LIMCH1: variants seen among roughly 807,000 people sequenced by gnomAD.
LIMCH1 encodes LIM and calponin homology domains 1, also known as LIM and calponin homology domains-containing protein 1.
A neutral mutation model predicts 176.5 loss-of-function variants in LIMCH1; 113 were observed. That is an observed-to-expected ratio of 0.64 (90% CI 0.55 to 0.75). The LOEUF (loss-of-function observed/expected upper bound fraction) is 0.75, where lower values mean the gene tolerates loss of function less well. LIMCH1 is among the 30% of genes least tolerant of loss of function. The pLI is 0.00. For missense variants in LIMCH1, 1,674 were observed against 1,814.9 expected, an observed-to-expected ratio of 0.92 and a Z score of 1.41; for synonymous variants, 619 against 645.9, an observed-to-expected ratio of 0.96 and a Z score of 0.63.
intron 1 of LIMCH1, among the ~76,000 whole-genome samples, chr4:41,490,257 TTTTC>T (rs1366381739): frequency 6.6e-6 from 1 of 151,974 alleles, no homozygotes; most frequent in Non-Finnish European, 1.5e-5. Context: ...TGCTATTTTT[TTTTC>T]TTTCTTTCTC....
At chr4:41,360,766 G>T, upstream of LIMCH1, 6 of 1,157,360 alleles carry the variant, frequency 5.2e-6, no homozygotes, top group Non-Finnish European at 7.1e-6. The surrounding 1 kb of genome is among the most constrained non-coding windows in gnomAD (Gnocchi z 4.5). Context: ...GGAAGGGGCG[G>T]GGAGCGCGCT....
chr4:41,574,993 A>G (rs752193157), intron 1 of LIMCH1, among the ~76,000 whole-genome samples: 1 of 152,196 alleles, frequency 6.6e-6, no homozygotes, highest in Non-Finnish European at 1.5e-5. Flanking sequence ...TTTCATTTCT[A>G]TGGCTTTTTA....
intron 1 of LIMCH1, among the ~76,000 whole-genome samples, chr4:41,567,982 G>A (rs1320164876): frequency 6.6e-6 from 1 of 151,956 alleles, no homozygotes; most frequent in Non-Finnish European, 1.5e-5. Flanking sequence ...GTGAAACCCC[G>A]GCTCTACTAA....
At chr4:41,525,603 G>A (rs2076561335) in intron 3 of LIMCH1, among the ~76,000 whole-genome samples, 1 of 152,064 alleles carries the variant, frequency 6.6e-6, no homozygotes, top group African/African-American at 2.4e-5. Flanking sequence ...GTGAGCTGGT[G>A]ATTAGTCGTT....
intron 1 of LIMCH1, among the ~76,000 whole-genome samples, chr4:41,487,633 G>C (rs1427798898): frequency 1.3e-5 from 2 of 151,522 alleles, no homozygotes; most frequent in Non-Finnish European, 2.9e-5. Context: ...TTGTATGTGG[G>C]GCACCAATTT....
intron 4 of LIMCH1, among the ~76,000 whole-genome samples, chr4:41,611,491 C>T (rs1007360064): frequency 6.6e-6 from 1 of 152,184 alleles, no homozygotes; most frequent in East Asian, 1.9e-4. Context: ...AGAGAAGATG[C>T]TGATGGTGGA....
At chr4:41,594,395 T>C (rs1351106175) in intron 1 of LIMCH1, among the ~76,000 whole-genome samples, 1 of 152,230 alleles carries the variant, frequency 6.6e-6, no homozygotes, top group South Asian at 2.1e-4. Flanking sequence ...TTCTTTTCCC[T>C]TGGGATTGAG....
chr4:41,572,501 G>C (rs2083719441), intron 1 of LIMCH1, among the ~76,000 whole-genome samples: 2 of 152,172 alleles, frequency 1.3e-5, no homozygotes, highest in Non-Finnish European at 2.9e-5. Context: ...GAATTTGACA[G>C]TGAAGTAAAT....
At position 41,631,418 on chromosome 4, in the gene LIMCH1, C is replaced by CTCAGCG; in HGVS notation, c.1543_1548dup (p.Ser515_Ala516dup). 6.5e-7 allele frequency: 1 copy of CTCAGCG among 1,532,256 alleles called. No individual in the cohort carries two copies. The highest frequency in any genetic ancestry group is 8.7e-7 in the Non-Finnish European group (1 of 1,145,902). The allele number at this position is 1,532,256 out of a possible 1,614,324, so 94.9% of individuals were successfully genotyped here. On this transcript the variant is annotated inframe_insertion, in exon 10 of 32. Transcript: ENST00000503057. Reference sequence around the variant, plus strand: ...TTCAAATGGACTCTGTGTCTCCTGTCTCAGCGGCCACTTCCAGCTTAAAGG... The same window carrying CTCAGCG: ...TTCAAATGGACTCTGTGTCTCCTGTCTCAGCGTCAGCGGCCACTTCCAGCTTAAAGG...
In LIMCH1 at chr4:41,697,805, G is replaced by T. The variant is rs561394368; in HGVS notation, c.*620G>T. On this transcript the variant is annotated 3_prime_UTR_variant, in exon 32 of 32. Coordinates refer to ENST00000503057, the MANE Select transcript of LIMCH1 (RefSeq NM_001330672.2). ...AATTATACCAATAAATTATTGCACC[G>T]TTAGTATTAGATTCTGTGTACCTTG... The T allele has an allele frequency of 6.6e-6, 1 of 152,196 alleles. No individual in the cohort carries two copies. The highest frequency in any genetic ancestry group is 1.5e-5 in the Non-Finnish European group (1 of 68,092). The allele number at this position is 152,196 out of a possible 1,614,324, so 9.4% of individuals were successfully genotyped here.
In LIMCH1 at chr4:41,609,122, G is replaced by C. The variant is rs534782120; in HGVS notation, c.9+3118G>C. 2.2e-4 allele frequency among the ~76,000 whole-genome samples: 33 copies of C among 152,232 alleles called. 1 individual carries two copies. Among genetic ancestry groups the C allele is most frequent in the Non-Finnish European group, 1.5e-5 (1 of 68,018 alleles). ...CTGGCCCAGGCTACTCCTGTTTCAG[G>C]GGGTGAGGGGTATTACAGGAAGAAA... On this transcript the variant is annotated intron_variant, in intron 4 of 31. Coordinates refer to ENST00000503057, the MANE Select transcript of LIMCH1 (RefSeq NM_001330672.2).
At chr4:41,406,028 A>G (rs2058922792) in intron 1 of LIMCH1, among the ~76,000 whole-genome samples, 1 of 152,132 alleles carries the variant, frequency 6.6e-6, no homozygotes, top group Non-Finnish European at 1.5e-5. Context: ...TGCCTATATA[A>G]GATTAATGTT....
chr4:41,388,325 A>G (rs564158688), intron 1 of LIMCH1, among the ~76,000 whole-genome samples: 1 of 152,374 alleles, frequency 6.6e-6, no homozygotes, highest in African/African-American at 2.4e-5. Flanking sequence ...TTGACAGTTA[A>G]AAGGAATGAA....
intron 1 of LIMCH1, among the ~76,000 whole-genome samples, chr4:41,456,668 G>A (rs2064647977): frequency 6.6e-6 from 1 of 152,146 alleles, no homozygotes; most frequent in Non-Finnish European, 1.5e-5. Flanking sequence ...ACTTTCAATG[G>A]CAAAACAGTG....
chr4:41,629,500 G>T lies in LIMCH1; in HGVS notation c.1037G>T (p.Gly346Val). Residue 346 changes from glycine to valine, a missense_variant, in exon 9 of 32, where the codon GGC (glycine) becomes GTC (valine). By Grantham distance (109) the Gly-to-Val change is moderately radical. Around this residue, in one of 3 missense-constraint regions of LIMCH1, gnomAD observed 655 missense variants for 692.2 expected, o/e 0.95. Transcript: ENST00000503057. ...CCGGATCAAATGGACAGAAACCAGGGCCACACAGAAGAGGTGAAGTTGATA... is the reference window on the plus strand; with the variant it reads ...CCGGATCAAATGGACAGAAACCAGGTCCACACAGAAGAGGTGAAGTTGATA... ...KRSLEYKRNQ[G>V]HTEEVKLIVT... 1 of 1,535,994 alleles carries T rather than the reference G, an allele frequency of 6.5e-7. No individual in the cohort carries two copies. Among genetic ancestry groups the T allele is most frequent in the South Asian group, 1.2e-5 (1 of 84,044 alleles).
At chr4:41,593,541 A>T in intron 1 of LIMCH1, among the ~76,000 whole-genome samples, 1 of 152,218 alleles carries the variant, frequency 6.6e-6, no homozygotes, top group Non-Finnish European at 1.5e-5. Context: ...TACCTAGTTG[A>T]ATATATCTTT....
At position 41,682,463 on chromosome 4, in the gene LIMCH1, A is replaced by C; in HGVS notation, c.3845+3A>C. ...GATCGACTGGAGGAGAAGGGCAGGT[A>C]TGAGCCCATCCCAAGCCACCATGAA... On this transcript the variant is annotated splice_donor_region_variant and intron_variant, in intron 26 of 31. Transcript: ENST00000503057. 6.2e-7 allele frequency: 1 copy of C among 1,612,074 alleles called. No individual in the cohort carries two copies. Among genetic ancestry groups the C allele is most frequent in the African/African-American group, 1.3e-5 (1 of 74,966 alleles).
intron 1 of LIMCH1, among the ~76,000 whole-genome samples, chr4:41,475,818 C>T (rs1406684653): frequency 2.6e-5 from 4 of 152,086 alleles, no homozygotes; most frequent in Admixed American, 1.3e-4. Context: ...CACCATGGCA[C>T]GTGTATACCT....
rs1584303690 is a variant in LIMCH1 at position 41,572,771 on chromosome 4, G to C, written c.-240-26149G>C. 2.0e-5 allele frequency among the ~76,000 whole-genome samples: 3 copies of C among 152,196 alleles called. No individual in the cohort carries two copies. The East Asian group carries it at 5.8e-4, about 29-fold the overall frequency. On this transcript the variant is annotated intron_variant, in intron 1 of 31. Coordinates refer to ENST00000503057, the MANE Select transcript of LIMCH1 (RefSeq NM_001330672.2). ...TATCTTGGCAGTTAGATAGGACCTA[G>C]TCAGTAATTCTTAGGTGGGTTAAGA...
Sources: gnomAD v4.1 joint callset for allele counts (sites outside exome capture counted in the v4.1 genomes callset) on GRCh38, gnomAD v4.1.1 for gene constraint, gnomAD v4.1.1 regional missense constraint, Gnocchi (gnomAD v3.1) non-coding constraint, MANE v1.5 for transcripts, NCBI Gene and HGNC (gene_info 2026-07-23, HGNC 2026-07-21) for gene names.